Variants in SMIM8 observed in about 807,000 individuals in gnomAD.
The protein encoded by SMIM8 is small integral membrane protein 8.
A neutral mutation model predicts 8.1 loss-of-function variants in SMIM8; 8 were observed. That is an observed-to-expected ratio of 0.99 (90% confidence interval 0.58 to 1.78). SMIM8 has a LOEUF of 1.78. Ranked by LOEUF, SMIM8 falls within the 40% of genes most tolerant of loss-of-function variation. SMIM8 has a pLI of 0.00. For synonymous variants in SMIM8, 45 were observed against 39.7 expected (o/e 1.13, Z -0.50); for missense variants, 126 against 119.8 (o/e 1.05, Z -0.24).
At chr6:87,327,455 C>G (rs1288469211) in intron 1 of SMIM8, among the ~76,000 whole-genome samples, 5 of 152,194 alleles carry the variant, frequency 3.3e-5, no homozygotes, top group Admixed American at 6.5e-5. Context: ...GCCTGCTGGT[C>G]ACAAAATCTC....
rs146790883 is a variant in SMIM8, at chr6:87,340,615, T to C, written c.*341T>C. 117 of 161,296 alleles carry C rather than the reference T, an allele frequency of 7.3e-4. No individual in the cohort carries two copies. The highest frequency in any genetic ancestry group is 2.7e-3 in the African/African-American group (112 of 42,002). 10.0% of individuals were successfully genotyped at this position (161,296 alleles called of 1,614,324 possible). Reference sequence around the variant, plus strand: ...GATGTTTTAAATATTTTAAGATGAATTATGCCGGTGCAGCTGTCGTGAAAG... The same window carrying C: ...GATGTTTTAAATATTTTAAGATGAACTATGCCGGTGCAGCTGTCGTGAAAG... On this transcript the variant is annotated 3_prime_UTR_variant, in exon 4 of 4. Coordinates refer to ENST00000392863, the MANE Select transcript of SMIM8 (RefSeq NM_001042493.3).
At chr6:87,331,254 T>C (rs961774693) in intron 2 of SMIM8, among the ~76,000 whole-genome samples, 3 of 152,208 alleles carry the variant, frequency 2.0e-5, no homozygotes, top group Non-Finnish European at 2.9e-5. Flanking sequence ...GTGCTGGACA[T>C]TAACTGGTTT....
intron 3 of SMIM8, 73 bp from the exon 4 acceptor site, chr6:87,340,043 A>G (rs1230354792): frequency 1.1e-5 from 14 of 1,260,652 alleles, no homozygotes; most frequent in Non-Finnish European, 1.5e-5. Flanking sequence ...TCAGGAGGAA[A>G]GTGCAACCGA....
chr6:87,331,315 T>A (rs1035562395), intron 2 of SMIM8, among the ~76,000 whole-genome samples: 12 of 152,202 alleles, frequency 7.9e-5, no homozygotes, highest in African/African-American at 2.4e-5. Context: ...TGCCTTGACT[T>A]TATGATTAGT....
At chr6:87,340,090 C>A in intron 3 of SMIM8, 26 bp from the exon 4 acceptor site, 1 of 1,509,388 alleles carries the variant, frequency 6.6e-7, no homozygotes, top group Non-Finnish European at 8.8e-7. Flanking sequence ...CTTACTAAAG[C>A]TTTATAATTT....
intron 1 of SMIM8, chr6:87,323,013 T>A (rs1446146311): frequency 6.6e-6 from 1 of 152,234 alleles, no homozygotes; most frequent in Admixed American, 6.5e-5. Flanking sequence ...TTTTCTTTTG[T>A]CATAGTGCGG....
In SMIM8 at chr6:87,336,991, A is replaced by G. The variant is rs375828645; in HGVS notation, c.-23-18A>G. ...AAGCACAATTATGAAGGGAAAAAAT[A>G]TATTATTTTGTTTTTAGATAATAAA... On this transcript the variant is annotated intron_variant, in intron 2 of 3. Coordinates refer to ENST00000392863, the MANE Select transcript of SMIM8 (RefSeq NM_001042493.3). The G allele has an allele frequency of 2.3e-5, 35 of 1,534,466 alleles. No homozygotes were observed. Among genetic ancestry groups the G allele is most frequent in the African/African-American group, 1.1e-4 (8 of 70,796 alleles).
In SMIM8 at chr6:87,337,084, AAG is replaced by A; in HGVS notation, c.56_57del (p.Glu19ValfsTer25). The A allele has an allele frequency of 6.2e-7, 1 of 1,613,218 alleles. No homozygotes were observed. Among genetic ancestry groups the A allele is most frequent in the Non-Finnish European group, 8.5e-7 (1 of 1,179,488 alleles). ...TTCAAAAAGGAACCACCCAAAGAGA[AAG>A]AGTTTCAAAGCCCAGGGCTCAGAGG... On this transcript the variant is annotated frameshift_variant, in exon 3 of 4. Transcript: ENST00000392863. LOFTEE classifies it high-confidence loss of function.
At chr6:87,328,083 T>C (rs372349563) in intron 1 of SMIM8, among the ~76,000 whole-genome samples, 1 of 152,204 alleles carries the variant, frequency 6.6e-6, no homozygotes, top group Non-Finnish European at 1.5e-5. Context: ...ACGTAGTTCT[T>C]GAGCCTTGGT....
chr6:87,335,692 C>T (rs949063738), intron 2 of SMIM8, among the ~76,000 whole-genome samples: 2 of 151,814 alleles, frequency 1.3e-5, no homozygotes, highest in African/African-American at 4.8e-5. Flanking sequence ...AAATAGTAAG[C>T]TTAATGAATA....
intron 1 of SMIM8, among the ~76,000 whole-genome samples, chr6:87,330,197 A>G (rs1327683994): frequency 6.6e-6 from 1 of 152,244 alleles, no homozygotes; most frequent in Non-Finnish European, 1.5e-5. Context: ...ATGTGAAACT[A>G]TAAAAAAGTG....
chr6:87,339,325 C>CGT (rs59321615), intron 3 of SMIM8, among the ~76,000 whole-genome samples: 12,148 of 123,918 alleles, frequency 0.098, 666 homozygotes, highest in Non-Finnish European at 0.12. Flanking sequence ...CAAAACACAG[C>CGT]GTGTGTGTGT....
Position 87,334,146 on chromosome 6 carries a change from A to G in SMIM8, c.-23-2863A>G, listed in dbSNP as rs950026301. Among the ~76,000 whole-genome samples, 4 of 152,210 alleles carry G rather than the reference A, an allele frequency of 2.6e-5. 1 individual carries two copies. The South Asian group carries it at 8.3e-4, about 31-fold the overall frequency. On this transcript the variant is annotated intron_variant, in intron 2 of 3. Coordinates refer to ENST00000392863, the MANE Select transcript of SMIM8 (RefSeq NM_001042493.3). ...CTACAAGGATGGCACCAAGCCATTC[A>G]TGAGGGATCTGCTCCCATGATCCAA...
intron 1 of SMIM8, chr6:87,329,024 G>A (rs958063582): frequency 3.9e-5 from 6 of 152,978 alleles, no homozygotes; most frequent in Admixed American, 1.3e-4. Flanking sequence ...TCCATGTGCC[G>A]TCTGTCACCC....
Position 87,341,122 on chromosome 6 carries a change from A to G in SMIM8, c.*848A>G. On this transcript the variant is annotated 3_prime_UTR_variant, in exon 4 of 4. Transcript: ENST00000392863. ...GTGTTCTTATAGTTATTTAAAAACT[A>G]CAACTACTCAATGGATAAGGAATAG... The G allele has an allele frequency of 2.5e-6, 1 of 394,466 alleles. No homozygotes were observed. The allele number at this position is 394,466 out of a possible 1,614,324, so 24.4% of individuals were successfully genotyped here.
chr6:87,330,204 A>T (rs548474056), intron 1 of SMIM8, among the ~76,000 whole-genome samples: 5 of 152,226 alleles, frequency 3.3e-5, no homozygotes, highest in Non-Finnish European at 7.3e-5. Context: ...ACTATAAAAA[A>T]GTGTATTATA....
chr6:87,324,857 G>A (rs996012806), intron 1 of SMIM8, among the ~76,000 whole-genome samples: 1 of 152,142 alleles, frequency 6.6e-6, no homozygotes, highest in Non-Finnish European at 1.5e-5. Context: ...AAATTACCTT[G>A]GGCAGTATGG....
chr6:87,326,181 C>T (rs955863877), intron 1 of SMIM8, among the ~76,000 whole-genome samples: 13 of 152,028 alleles, frequency 8.6e-5, no homozygotes, highest in Non-Finnish European at 1.3e-4. Flanking sequence ...GTCTTGCTAG[C>T]GGTCTATCAA....
At chr6:87,325,680 G>A (rs1226879853) in intron 1 of SMIM8, among the ~76,000 whole-genome samples, 3 of 151,936 alleles carry the variant, frequency 2.0e-5, no homozygotes, top group Non-Finnish European at 1.5e-5. Flanking sequence ...GTATTTTATT[G>A]AGGATTTTTG....
Sources: gnomAD v4.1 joint callset for allele counts (sites outside exome capture counted in the v4.1 genomes callset) on GRCh38, gnomAD v4.1.1 for gene constraint, MANE v1.5 for transcripts, NCBI Gene and HGNC (gene_info 2026-07-23, HGNC 2026-07-21) for gene names.